The following INTS11 variants were observed in gnomAD, a reference collection of about 807,000 sequenced individuals.
The protein encoded by INTS11 is integrator complex subunit 11, also known as CPSF3-like protein.
INTS11 carries 77 observed loss-of-function variants against 78.6 expected under a neutral mutation model. The observed-to-expected ratio is 0.98, with a 90% confidence interval of 0.81 to 1.18. The LOEUF is 1.18. Ranked by LOEUF, INTS11 falls within the 50% of genes most tolerant of loss-of-function variation. The pLI, the probability that INTS11 is intolerant of heterozygous loss-of-function variation, is 0.00. For missense variants in INTS11, 875 were observed against 825.9 expected (o/e 1.06, Z -0.73); for synonymous variants, 441 against 326.9 (o/e 1.35, Z -3.77).
In INTS11 at chr1:1,311,674, T is replaced by G. The variant is rs1258838640; in HGVS notation, c.*185A>C. On this transcript the variant is annotated 3_prime_UTR_variant, in exon 17 of 17. Transcript: ENST00000435064. ...AACCAGGAATAAAGGCAAGACAGCC[T>G]GGAGACCAGTTTGTTTCTTCAGCTG... The G allele has an allele frequency of 1.4e-6, 1 of 721,468 alleles. No individual in the cohort carries two copies. Among genetic ancestry groups the G allele is most frequent in the Non-Finnish European group, 2.4e-6 (1 of 411,692 alleles). The allele number at this position is 721,468 out of a possible 1,614,324, so 44.7% of individuals were successfully genotyped here.
intron 3 of INTS11, chr1:1,320,177 G>T (rs1642860507): frequency 2.3e-6 from 1 of 433,472 alleles, no homozygotes; most frequent in African/African-American, 2.0e-5. Context: ...AGACAGTGGG[G>T]TTTAAAGATC....
chr1:1,313,735 C>A lies in INTS11; in HGVS notation c.954G>T (p.Pro318=). 2 of 1,611,612 alleles carry A rather than the reference C, an allele frequency of 1.2e-6. No individual in the cohort carries two copies. The highest frequency in any genetic ancestry group is 1.3e-5 in the African/African-American group (1 of 75,050). ...CCGGCCCTGCCGCGGGCCTCACCAT[C>A]GGTCCTGGGTTGTCAGCAAAAGCCC... The part of the protein sequence containing the change: ...FDRAFADNPG[P]MVVFATPGML... Residue 318 remains proline, a synonymous_variant, in exon 9 of 17, where the codon CCG becomes CCT. Coordinates refer to ENST00000435064, the MANE Select transcript of INTS11 (RefSeq NM_017871.6).
chr1:1,313,689 C>T lies in INTS11; in HGVS notation c.957+43G>A, dbSNP rs577921220. 5.6e-6 allele frequency: 9 copies of T among 1,609,854 alleles called. No homozygotes were observed. The East Asian group carries it at 6.7e-5, about 12-fold the overall frequency. ...CAGACACCTGCGGAAGACAGGAGAC[C>T]GACGGGTGTGGATGTGCTGGCCGGC... is the stretch of plus-strand genomic sequence containing the variant. On this transcript the variant is annotated intron_variant, in intron 9 of 16. Transcript: ENST00000435064.
chr1:1,319,920 C>T (rs999065609), intron 3 of INTS11: 3 of 217,880 alleles, frequency 1.4e-5, no homozygotes, highest in South Asian at 8.0e-5. Flanking sequence ...GGGACCCCAC[C>T]GTGTCTGAGA....
chr1:1,317,369 TG>T (rs1642679650), intron 4 of INTS11: 1 of 548,128 alleles, frequency 1.8e-6, no homozygotes, highest in Non-Finnish European at 2.3e-6. Flanking sequence ...CACTACAGCC[TG>T]GGCAATGAGA....
At position 1,315,286 on chromosome 1, in the gene INTS11, G is replaced by A. The variant is rs528775436; in HGVS notation, c.563+118C>T. The stretch of plus-strand genomic sequence containing the variant: ...CAGAACGAAGGGGGCTCTCCAGGCC[G>A]CACAGGACATGGGAGACACTGCCAG... On this transcript the variant is annotated intron_variant, in intron 6 of 16. Transcript: ENST00000435064. 855 of 1,272,994 alleles carry A rather than the reference G, an allele frequency of 6.7e-4. 12 individuals carry two copies. In the South Asian group the frequency reaches 9.7e-3, roughly 15 times the overall value. 78.9% of individuals were successfully genotyped at this position (1,272,994 alleles called of 1,614,324 possible). A position where few individuals can be genotyped will look rare whatever the true frequency, so the allele number is the denominator to read the frequency against.
chr1:1,312,974 A>G (rs1642325426), intron 11 of INTS11, 25 bp from the exon 12 acceptor site: 3 of 1,612,034 alleles, frequency 1.9e-6, no homozygotes, highest in Non-Finnish European at 2.5e-6. Flanking sequence ...GGGCGTGGAC[A>G]GTGGTTACCA....
intron 4 of INTS11, chr1:1,317,406 G>T: frequency 3.0e-6 from 2 of 673,988 alleles, no homozygotes; most frequent in Non-Finnish European, 3.6e-6. Flanking sequence ...AAAAAAAAAA[G>T]AAAAAAAAAA....
chr1:1,323,431 T>C, intron 1 of INTS11: 1 of 1,020,216 alleles, frequency 9.8e-7, no homozygotes, highest in Non-Finnish European at 1.4e-6. Flanking sequence ...TTTTGAGACA[T>C]GGTTTTGCTG....
In INTS11 at chr1:1,312,104, CAG is replaced by C; in HGVS notation, c.1649_1650del (p.Ser550CysfsTer15). 1.9e-6 allele frequency: 3 copies of C among 1,577,106 alleles called. No homozygotes were observed. Among genetic ancestry groups the C allele is most frequent in the Non-Finnish European group, 1.7e-6 (2 of 1,160,884 alleles). Reference sequence around the variant, plus strand: ...TGGAGGAGGACGGACTCCACAGTCACAGAGCCGTCTGGGAGGTGCTGCACACA... The same window carrying C: ...TGGAGGAGGACGGACTCCACAGTCACAGCCGTCTGGGAGGTGCTGCACACA... The part of the protein sequence containing the change: ...DHCVQHLPDG[S>X]VTVESVLLQA... On this transcript the variant is annotated frameshift_variant, in exon 16 of 17. Transcript: ENST00000435064. LOFTEE classifies it high-confidence loss of function.
At position 1,320,768 on chromosome 1, in the gene INTS11, G is replaced by C. The variant is rs1201224500; in HGVS notation, c.126+228C>G. ...GAAGCTGAGCCCAGGGTCTCACGGA[G>C]TCCAGCCTACAGGACCCCGGGGCTG... On this transcript the variant is annotated intron_variant, in intron 2 of 16. Coordinates refer to ENST00000435064, the MANE Select transcript of INTS11 (RefSeq NM_017871.6). The C allele has an allele frequency of 7.0e-6, 5 of 713,182 alleles. No homozygotes were observed. The Admixed American group carries it at 1.0e-4, about 14-fold the overall frequency. 44.2% of individuals were successfully genotyped at this position (713,182 alleles called of 1,614,324 possible).
intron 1 of INTS11, chr1:1,323,042 C>T (rs1203844504): frequency 7.7e-6 from 11 of 1,431,070 alleles, no homozygotes; most frequent in Admixed American, 2.4e-5. Flanking sequence ...GAGGACCCCA[C>T]GGAGGACCCA....
At chr1:1,321,136 C>G in intron 1 of INTS11, 43 bp from the exon 2 acceptor site, 1 of 1,491,982 alleles carries the variant, frequency 6.7e-7, no homozygotes, top group Non-Finnish European at 9.2e-7. Flanking sequence ...CGCCCCCCGC[C>G]CCCTGTGCTG....
rs563101082 is a variant in INTS11 at position 1,311,714 on chromosome 1, G to A, written c.*145C>T. ...TTCTTCAGCTGCAAACAGCTGCCTG[G>A]GCAGGCAGGTGACACAAGGCCTCTG... On this transcript the variant is annotated 3_prime_UTR_variant, in exon 17 of 17. Transcript: ENST00000435064. 64 of 836,654 alleles carry A rather than the reference G, an allele frequency of 7.6e-5. No homozygotes were observed. The highest frequency in any genetic ancestry group is 1.5e-4 in the Admixed American group (7 of 45,550). 51.8% of individuals were successfully genotyped at this position (836,654 alleles called of 1,614,324 possible).
rs769879497 is a variant in INTS11 at position 1,311,948 on chromosome 1, T to C, written c.1738-24A>G. 6 of 1,585,280 alleles carry C rather than the reference T, an allele frequency of 3.8e-6. No homozygotes were observed. The South Asian group carries it at 4.5e-5, about 12-fold the overall frequency. On this transcript the variant is annotated intron_variant, in intron 16 of 16. Transcript: ENST00000435064. ...TCCTAGGGCAGAGGCAAAAGCATTG[T>C]GGGTGGTGCAGGACAGGGAGGAATG...
Position 1,315,586 on chromosome 1 carries a change from A to G in INTS11, c.462T>C (p.Tyr154=), listed in dbSNP as rs1229455436. The G allele has an allele frequency of 6.2e-7, 1 of 1,609,164 alleles. No homozygotes were observed. The highest frequency in any genetic ancestry group is 1.1e-5 in the South Asian group (1 of 90,880). The part of the protein sequence containing the change: ...VDDELEIKAY[Y]AGHVLGAAMF... ...TGGCTGCCCCCAGCACGTGGCCTGC[A>G]TAGTAGGCCTTGATCTCCAGCTCAT... The change falls in exon 5 of 17, where the codon TAT becomes TAC. Residue 154 remains tyrosine, a synonymous_variant. Coordinates refer to ENST00000435064, the MANE Select transcript of INTS11 (RefSeq NM_017871.6).
chr1:1,321,904 CCACCT>C, intron 1 of INTS11: 2 of 1,305,970 alleles, frequency 1.5e-6, no homozygotes, highest in Non-Finnish European at 2.0e-6. Flanking sequence ...TGAATCCCAC[CCACCT>C]CCCCCTGCCA....
intron 1 of INTS11, chr1:1,322,002 T>A: frequency 7.5e-7 from 1 of 1,327,544 alleles, no homozygotes; most frequent in Middle Eastern, 2.0e-4. Context: ...AGAGAGGGGA[T>A]CTCAGGTTCT....
Position 1,313,795 on chromosome 1 carries a change from G to A in INTS11, c.894C>T (p.Asn298=). Reference sequence around the variant, plus strand: ...CCTTGATGTGCTTGAACTCAAACATGTTCCTCTGCACGAAAGTCTTGCGGA... The same window carrying A: ...CCTTGATGTGCTTGAACTCAAACATATTCCTCTGCACGAAAGTCTTGCGGA... ...QKIRKTFVQR[N]MFEFKHIKAF... is the part of the protein sequence containing the mutation. Residue 298 remains asparagine (N), a synonymous_variant, in exon 9 of 17, where the codon AAC becomes AAT. Transcript: ENST00000435064. 1 of 1,613,480 alleles carries A rather than the reference G, an allele frequency of 6.2e-7. No individual in the cohort carries two copies. Among genetic ancestry groups the A allele is most frequent in the Non-Finnish European group, 8.5e-7 (1 of 1,179,986 alleles).
Sources: allele counts gnomAD v4.1 joint callset, GRCh38; gene constraint gnomAD v4.1.1; transcripts MANE v1.5; gene names NCBI Gene and HGNC (gene_info 2026-07-23, HGNC 2026-07-21).